Variants in MED27 observed in about 807,000 individuals in gnomAD.
MED27 encodes the protein mediator of RNA polymerase II transcription subunit 27.
Under a neutral mutation model 38.2 loss-of-function variants are expected in MED27, and 30 were observed. The ratio of observed to expected loss-of-function variants is 0.79; its 90% CI spans 0.59 to 1.07. The LOEUF (loss-of-function observed/expected upper bound fraction) is 1.07. Ranked by LOEUF, MED27 falls within the 50% of genes least tolerant of loss-of-function variation. MED27 has a pLI of 0.00. For synonymous variants in MED27, 122 were observed against 153.5 expected (o/e 0.79, Z 1.52); for missense variants, 289 against 397.5 (o/e 0.73, Z 2.32).
chr9:131,881,252 G>C (rs1032106683), intron 6 of MED27, among the ~76,000 whole-genome samples: 3 of 152,240 alleles, frequency 2.0e-5, no homozygotes, highest in African/African-American at 7.2e-5. Context: ...CACGGAAAAC[G>C]TTAGCATTGA....
rs4740328 is a variant in MED27 at position 131,883,789 on chromosome 9, A to C, written c.723+269T>G. Among the ~76,000 whole-genome samples the C allele has an allele frequency of 0.85, 129,360 of 152,172 alleles. 55,084 individuals are homozygous for C. The highest frequency in any genetic ancestry group is 0.88 in the Middle Eastern group (260 of 294). On this transcript the variant is annotated intron_variant, in intron 6 of 7. Transcript: ENST00000292035. This position sits in a 1 kb window ranked among gnomAD's most constrained non-coding sequence, Gnocchi z 4.2. ...GTGTAACACCGCCACAATTAAGATA[A>C]AGAATATTCCCACCACCCCACACTC...
intron 3 of MED27, among the ~76,000 whole-genome samples, chr9:132,000,772 G>A (rs1435469435): frequency 6.7e-6 from 1 of 149,610 alleles, no homozygotes; most frequent in Non-Finnish European, 1.5e-5. Flanking sequence ...TTTTTTTAGA[G>A]ATGGGGTCTC....
chr9:132,046,235 C>T (rs1001542671), intron 2 of MED27, among the ~76,000 whole-genome samples: 7 of 152,082 alleles, frequency 4.6e-5, no homozygotes, highest in South Asian at 2.1e-4. Context: ...TAAACTAGCA[C>T]GGTAAACTGC....
At chr9:131,875,796 G>A (rs1838920610) in intron 6 of MED27, among the ~76,000 whole-genome samples, 1 of 152,104 alleles carries the variant, frequency 6.6e-6, no homozygotes, top group Admixed American at 6.6e-5. Context: ...ATTTTTTTGG[G>A]GAGATGGGGT....
At chr9:131,980,894 G>A (rs1831720963) in intron 3 of MED27, among the ~76,000 whole-genome samples, 1 of 152,190 alleles carries the variant, frequency 6.6e-6, no homozygotes, top group Admixed American at 6.5e-5. Context: ...TGAAGAAACA[G>A]TTCAATGGAG....
In MED27 at chr9:131,977,552, G is replaced by A. The variant is rs548312321; in HGVS notation, c.479+36785C>T. ...GGTGGCGTGGACCACTCTGCTCTGCGGCTGGCTGTGAAGAGATCTTCCCCT... is the reference window on the plus strand; with the variant it reads ...GGTGGCGTGGACCACTCTGCTCTGCAGCTGGCTGTGAAGAGATCTTCCCCT... On this transcript the variant is annotated intron_variant, in intron 3 of 7. Transcript: ENST00000292035. Among the ~76,000 whole-genome samples, 218 of 152,130 alleles carry A rather than the reference G, an allele frequency of 1.4e-3. 1 individual carries two copies. Among genetic ancestry groups the A allele is most frequent in the African/African-American group, 5.1e-3 (212 of 41,490 alleles).
intron 3 of MED27, among the ~76,000 whole-genome samples, chr9:131,977,674 AAG>A (rs1238516086): frequency 6.6e-6 from 1 of 152,194 alleles, no homozygotes; most frequent in East Asian, 1.9e-4. Flanking sequence ...GGTTCATGTA[AAG>A]GGCTTAGGTC....
At chr9:132,040,562 C>T (rs1206794601) in intron 2 of MED27, among the ~76,000 whole-genome samples, 1 of 152,180 alleles carries the variant, frequency 6.6e-6, no homozygotes, top group Non-Finnish European at 1.5e-5. Flanking sequence ...GTGTGGAAAA[C>T]AAATACTAAG....
At position 132,051,674 on chromosome 9, in the gene MED27, T is replaced by TA. The variant is rs1385795352; in HGVS notation, c.348+25767dup. On this transcript the variant is annotated intron_variant, in intron 2 of 7. Coordinates refer to ENST00000292035, the MANE Select transcript of MED27 (RefSeq NM_004269.4). This position sits in a 1 kb window ranked among gnomAD's most constrained non-coding sequence, Gnocchi z 4.2. ...TAAGTTTAATTAAAATTAAGTAAAA[T>TA]AAAAAACTTATTTCCTCAGTAACAC... Among the ~76,000 whole-genome samples the TA allele has an allele frequency of 6.6e-5, 10 of 152,094 alleles. No homozygotes were observed. Among genetic ancestry groups the TA allele is most frequent in the Admixed American group, 2.0e-4 (3 of 15,270 alleles).
intron 3 of MED27, among the ~76,000 whole-genome samples, chr9:131,984,187 C>T (rs1035504671): frequency 2.6e-5 from 4 of 152,170 alleles, no homozygotes; most frequent in African/African-American, 9.7e-5. Context: ...AGTCGCTGCC[C>T]ACCTCCCACA....
chr9:132,025,462 G>A (rs1227028460), intron 2 of MED27, among the ~76,000 whole-genome samples: 1 of 152,210 alleles, frequency 6.6e-6, no homozygotes, highest in Non-Finnish European at 1.5e-5. Flanking sequence ...GATTACAGGC[G>A]TGAGCCACCG....
chr9:132,057,253 C>A (rs1159590982), intron 2 of MED27, among the ~76,000 whole-genome samples: 5 of 152,338 alleles, frequency 3.3e-5, no homozygotes, highest in African/African-American at 1.2e-4. Flanking sequence ...GCTTGGCCAT[C>A]CAGAGCTGTC....
At chr9:131,991,511 A>G (rs931287599) in intron 3 of MED27, among the ~76,000 whole-genome samples, 2 of 152,136 alleles carry the variant, frequency 1.3e-5, no homozygotes, top group Non-Finnish European at 2.9e-5. Context: ...TCTGTAAATG[A>G]TCTGTCCTCT....
intron 3 of MED27, among the ~76,000 whole-genome samples, chr9:131,996,700 A>C (rs1246560386): frequency 2.0e-5 from 3 of 152,212 alleles, no homozygotes. Context: ...ACACAGGTCC[A>C]CTTAAATATT....
At chr9:131,991,576 C>T (rs1012971094) in intron 3 of MED27, among the ~76,000 whole-genome samples, 1 of 152,140 alleles carries the variant, frequency 6.6e-6, no homozygotes, top group Non-Finnish European at 1.5e-5. Flanking sequence ...CCACACTTAA[C>T]ATACATAAAT....
In MED27 at chr9:132,072,021, C is replaced by A. The variant is rs942194839; in HGVS notation, c.348+5421G>T. On this transcript the variant is annotated intron_variant, in intron 2 of 7. Transcript: ENST00000292035. Reference sequence around the variant, plus strand: ...TCATAAATGAGCACACACGTGTATGCGCAACACGCACCCCGTGAACGAGCA... The same window carrying A: ...TCATAAATGAGCACACACGTGTATGAGCAACACGCACCCCGTGAACGAGCA... Among the ~76,000 whole-genome samples, 3 of 150,316 alleles carry A rather than the reference C, an allele frequency of 2.0e-5. No individual in the cohort carries two copies. The East Asian group carries it at 6.1e-4, about 30-fold the overall frequency.
chr9:131,959,583 G>A (rs910771614), intron 3 of MED27, among the ~76,000 whole-genome samples: 14 of 152,138 alleles, frequency 9.2e-5, no homozygotes, highest in African/African-American at 3.4e-4. Flanking sequence ...CTTTAGACAA[G>A]GTAATCTCTA....
chr9:131,991,418 T>C (rs1831969901), intron 3 of MED27, among the ~76,000 whole-genome samples: 1 of 152,144 alleles, frequency 6.6e-6, no homozygotes, highest in Non-Finnish European at 1.5e-5. Flanking sequence ...GCAAGAAAAA[T>C]ACCTTTAGCA....
intron 4 of MED27, among the ~76,000 whole-genome samples, chr9:131,912,388 T>C (rs568011771): frequency 6.6e-6 from 1 of 152,236 alleles, no homozygotes; most frequent in African/African-American, 2.4e-5. Flanking sequence ...GGAAACACTG[T>C]TACATTAGTA....
Sources: allele counts gnomAD v4.1 joint callset (sites outside exome capture counted in the v4.1 genomes callset), GRCh38; gene constraint gnomAD v4.1.1; non-coding constraint Gnocchi (gnomAD v3.1); transcripts MANE v1.5; gene names NCBI Gene and HGNC (gene_info 2026-07-23, HGNC 2026-07-21).